Variants in RSRC1 observed in about 807,000 individuals in gnomAD.
The protein encoded by RSRC1 is arginine and serine rich coiled-coil 1.
Under a neutral mutation model 49.1 loss-of-function variants are expected in RSRC1, and 39 were observed. That is an observed-to-expected ratio of 0.79 (90% CI 0.61 to 1.04). RSRC1 has a LOEUF of 1.04. Among genes scored for constraint, RSRC1 ranks in the 50% least tolerant of loss-of-function variants. RSRC1 has a pLI of 0.00. For missense variants in RSRC1, 388 were observed against 402.4 expected (o/e 0.96, Z 0.31); for synonymous variants, 143 against 130.8 (o/e 1.09, Z -0.63).
chr3:158,248,353 A>G (rs1458538827), intron 4 of RSRC1, among the ~76,000 whole-genome samples: 1 of 152,202 alleles, frequency 6.6e-6, no homozygotes, highest in Non-Finnish European at 1.5e-5. Context: ...TTCATTCACA[A>G]TGTTGCATAT....
chr3:158,186,028 G>A (rs1264842353), intron 3 of RSRC1, among the ~76,000 whole-genome samples: 1 of 151,800 alleles, frequency 6.6e-6, no homozygotes, highest in Non-Finnish European at 1.5e-5. Flanking sequence ...TAGTTTTACA[G>A]TTTTCCACAT....
rs547546377 is a variant in RSRC1, at chr3:158,257,040, T to G, written c.495-40999T>G. On this transcript the variant is annotated intron_variant, in intron 4 of 9. Coordinates refer to ENST00000611884, the MANE Select transcript of RSRC1 (RefSeq NM_001271838.2). The stretch of plus-strand genomic sequence containing the variant: ...AAACCAGCTCCTGGTTTCATTGATT[T>G]TTTTTGAAGGGTTTTTTGTGTCTCT... Among the ~76,000 whole-genome samples, 109 of 152,280 alleles carry G rather than the reference T, an allele frequency of 7.2e-4. 1 individual carries two copies. The Middle Eastern group carries it at 0.01, about 14-fold the overall frequency.
At chr3:158,249,015 T>C (rs1187374914) in intron 4 of RSRC1, among the ~76,000 whole-genome samples, 1 of 152,166 alleles carries the variant, frequency 6.6e-6, no homozygotes, top group African/African-American at 2.4e-5. Context: ...CTACTGTGAG[T>C]ATAAGTTCCA....
At chr3:158,283,630 A>G (rs1322049540) in intron 4 of RSRC1, among the ~76,000 whole-genome samples, 1 of 152,082 alleles carries the variant, frequency 6.6e-6, no homozygotes, top group Non-Finnish European at 1.5e-5. Flanking sequence ...GTTTGCCATT[A>G]TTGGGCATTT....
At chr3:158,296,874 T>C (rs1395279114) in intron 4 of RSRC1, among the ~76,000 whole-genome samples, 1 of 151,902 alleles carries the variant, frequency 6.6e-6, no homozygotes, top group African/African-American at 2.4e-5. Context: ...GACTGGGCAG[T>C]GAGAGCAAAG....
intron 6 of RSRC1, among the ~76,000 whole-genome samples, chr3:158,406,083 A>G (rs1307194948): frequency 6.6e-6 from 1 of 152,104 alleles, no homozygotes; most frequent in Non-Finnish European, 1.5e-5. Context: ...ATCCCTAACC[A>G]AACAGAAGAA....
At position 158,296,687 on chromosome 3, in the gene RSRC1, A is replaced by G. The variant is rs1029808768; in HGVS notation, c.495-1352A>G. On this transcript the variant is annotated intron_variant, in intron 4 of 9. Transcript: ENST00000611884. ...TCACACCTTGCAGTAATTTATTCTT[A>G]TCATTTGTCAGTAGGACTGCAGACA... Among the ~76,000 whole-genome samples the G allele has an allele frequency of 4.6e-5, 7 of 152,228 alleles. No homozygotes were observed. The South Asian group carries it at 6.2e-4, about 14-fold the overall frequency.
At chr3:158,144,284 C>T (rs1243299588) in intron 3 of RSRC1, among the ~76,000 whole-genome samples, 1 of 152,068 alleles carries the variant, frequency 6.6e-6, no homozygotes. Context: ...TCCCTCCCCC[C>T]TCCTCCCACC....
intron 6 of RSRC1, among the ~76,000 whole-genome samples, chr3:158,400,304 T>C (rs770579600): frequency 6.6e-6 from 1 of 152,162 alleles, no homozygotes; most frequent in Non-Finnish European, 1.5e-5. Flanking sequence ...TATATAAATA[T>C]AGCACATATA....
intron 4 of RSRC1, among the ~76,000 whole-genome samples, chr3:158,259,491 G>A (rs1230919180): frequency 6.6e-6 from 1 of 152,074 alleles, no homozygotes; most frequent in Non-Finnish European, 1.5e-5. Flanking sequence ...ACACCCTTCT[G>A]GCCACCATTA....
chr3:158,161,345 A>G (rs1241065223), intron 3 of RSRC1, among the ~76,000 whole-genome samples: 1 of 152,186 alleles, frequency 6.6e-6, no homozygotes, highest in Non-Finnish European at 1.5e-5. Flanking sequence ...GACAAAAGGA[A>G]AACAAGCCCA....
chr3:158,537,005 A>G, intron 7 of RSRC1, 87 bp from the exon 8 acceptor site: 1 of 798,356 alleles, frequency 1.3e-6, no homozygotes, highest in Non-Finnish European at 2.1e-6. Context: ...ATCCAATTAA[A>G]TTTCTTCATA....
At chr3:158,365,310 C>G (rs770693916) in intron 6 of RSRC1, among the ~76,000 whole-genome samples, 5 of 152,082 alleles carry the variant, frequency 3.3e-5, no homozygotes, top group South Asian at 2.1e-4. Context: ...GTACCCACCC[C>G]CCGACAGGCC....
chr3:158,354,938 T>G, intron 6 of RSRC1, 30 bp downstream of exon 6: 2 of 1,476,884 alleles, frequency 1.4e-6, no homozygotes, highest in South Asian at 2.7e-5. Context: ...TTTTATTAAA[T>G]GAAGAAGTGA....
intron 3 of RSRC1, among the ~76,000 whole-genome samples, chr3:158,191,879 A>G (rs1373061804): frequency 6.6e-6 from 1 of 152,078 alleles, no homozygotes; most frequent in Non-Finnish European, 1.5e-5. Flanking sequence ...AAGTTAGTTA[A>G]TAAAGTAAAT....
intron 6 of RSRC1, among the ~76,000 whole-genome samples, chr3:158,385,061 T>A (rs557994528): frequency 6.6e-6 from 1 of 152,234 alleles, no homozygotes; most frequent in East Asian, 1.9e-4. Flanking sequence ...GTAAATACAA[T>A]GAAATTTGCT....
intron 3 of RSRC1, among the ~76,000 whole-genome samples, chr3:158,147,157 C>T (rs1449753532): frequency 9.9e-6 from 1 of 100,800 alleles, no homozygotes; most frequent in Non-Finnish European, 1.9e-5. Context: ...CAAAATGGGA[C>T]ACTGTGTTAT....
chr3:158,325,547 G>A (rs1273305968), intron 5 of RSRC1, among the ~76,000 whole-genome samples: 2 of 152,080 alleles, frequency 1.3e-5, no homozygotes, highest in Non-Finnish European at 1.5e-5. Context: ...GTAGATGTAT[G>A]GTATTATTTC....
chr3:158,307,306 ATAAAG>A (rs1395945490), intron 5 of RSRC1, among the ~76,000 whole-genome samples: 1 of 151,930 alleles, frequency 6.6e-6, no homozygotes, highest in Non-Finnish European at 1.5e-5. Flanking sequence ...TTGTTCCTAT[ATAAAG>A]TAAAGGGTAT....
Sources: gnomAD v4.1 joint callset for allele counts (sites outside exome capture counted in the v4.1 genomes callset) on GRCh38, gnomAD v4.1.1 for gene constraint, MANE v1.5 for transcripts, NCBI Gene and HGNC (gene_info 2026-07-23, HGNC 2026-07-21) for gene names.